The following VSNL1 variants were observed in gnomAD, a reference collection of about 807,000 sequenced individuals.
VSNL1 encodes the protein visinin-like protein 1.
VSNL1 carries 6 observed loss-of-function variants against 20.4 expected under a neutral mutation model. The ratio of observed to expected loss-of-function variants is 0.29; its 90% CI spans 0.16 to 0.58. The LOEUF is 0.58. Among genes scored for constraint, VSNL1 ranks in the 20% least tolerant of loss-of-function variants. The pLI, the probability that VSNL1 is intolerant of heterozygous loss-of-function variation, is 0.90. For missense variants in VSNL1, 100 were observed against 234.5 expected (o/e 0.43, Z 3.75); for synonymous variants, 93 against 86.4 (o/e 1.08, Z -0.42).
chr2:17,644,011 G>C (rs1665939792), intron 2 of VSNL1, among the ~76,000 whole-genome samples: 1 of 152,196 alleles, frequency 6.6e-6, no homozygotes, highest in African/African-American at 2.4e-5. Flanking sequence ...ACAATTAGAT[G>C]CTATTGTCGG....
At chr2:17,571,767 A>G (rs1664090393) in intron 1 of VSNL1, among the ~76,000 whole-genome samples, 1 of 152,224 alleles carries the variant, frequency 6.6e-6, no homozygotes, top group Admixed American at 6.5e-5. Context: ...AAGAGCTACA[A>G]AGAATATAAA....
At chr2:17,565,019 A>T (rs1453782574) in intron 1 of VSNL1, among the ~76,000 whole-genome samples, 1 of 152,202 alleles carries the variant, frequency 6.6e-6, no homozygotes, top group Non-Finnish European at 1.5e-5. Context: ...ACATGCTTTA[A>T]ATTAGCAAAA....
At chr2:17,600,663 A>G (rs1055381320) in intron 2 of VSNL1, among the ~76,000 whole-genome samples, 2 of 152,238 alleles carry the variant, frequency 1.3e-5, no homozygotes, top group African/African-American at 4.8e-5. Context: ...GCAGAGCTGT[A>G]TATAGAAGGG....
At chr2:17,600,894 A>G (rs1224019621) in intron 2 of VSNL1, among the ~76,000 whole-genome samples, 1 of 152,204 alleles carries the variant, frequency 6.6e-6, no homozygotes, top group Non-Finnish European at 1.5e-5. Flanking sequence ...ACAAGGTCCC[A>G]TGTGAGGCTC....
intron 1 of VSNL1, among the ~76,000 whole-genome samples, chr2:17,575,608 T>C (rs1373818249): frequency 6.6e-6 from 1 of 152,152 alleles, no homozygotes; most frequent in Non-Finnish European, 1.5e-5. Context: ...TGATTTCTGC[T>C]CACTGCAACC....
intron 2 of VSNL1, among the ~76,000 whole-genome samples, chr2:17,644,691 A>C (rs1416217989): frequency 6.6e-6 from 1 of 152,150 alleles, no homozygotes; most frequent in African/African-American, 2.4e-5. Flanking sequence ...ACCCTTGCTG[A>C]AAGAATCAGC....
intron 1 of VSNL1, among the ~76,000 whole-genome samples, chr2:17,553,237 C>T (rs1663588736): frequency 6.6e-6 from 1 of 152,168 alleles, no homozygotes; most frequent in African/African-American, 2.4e-5. Flanking sequence ...CACAGTTGTG[C>T]CAAAGTAGCT....
At chr2:17,616,777 T>A (rs1014683412) in intron 2 of VSNL1, among the ~76,000 whole-genome samples, 9 of 152,216 alleles carry the variant, frequency 5.9e-5, no homozygotes, top group South Asian at 2.1e-4. Flanking sequence ...AGTGGCAGAA[T>A]TTCAGAGCTA....
intron 1 of VSNL1, among the ~76,000 whole-genome samples, chr2:17,575,457 A>G (rs1044628040): frequency 6.6e-6 from 1 of 152,220 alleles, no homozygotes; most frequent in East Asian, 1.9e-4. Flanking sequence ...ACTCTAGACT[A>G]CTTACTCTCT....
intron 2 of VSNL1, among the ~76,000 whole-genome samples, chr2:17,602,782 A>G (rs934369772): frequency 4.0e-5 from 6 of 151,730 alleles, no homozygotes; most frequent in Admixed American, 2.6e-4. Context: ...AAAATAAAAT[A>G]AAATAAAATA....
intron 2 of VSNL1, among the ~76,000 whole-genome samples, chr2:17,596,485 G>A: frequency 6.6e-6 from 1 of 152,142 alleles, no homozygotes; most frequent in East Asian, 1.9e-4. Flanking sequence ...TCAACCCAGG[G>A]GAAGAGCAAG....
intron 1 of VSNL1, among the ~76,000 whole-genome samples, chr2:17,585,808 C>CTTTTTTTT (rs55893675): frequency 2.8e-5 from 4 of 143,256 alleles, no homozygotes; most frequent in South Asian, 2.2e-4. Context: ...TTCTTTTTTT[C>CTTTTTTTT]TTTTTTTTTT....
At chr2:17,618,630 G>C (rs552840813) in intron 2 of VSNL1, among the ~76,000 whole-genome samples, 1 of 152,244 alleles carries the variant, frequency 6.6e-6, no homozygotes. Context: ...CTCTGCCCAG[G>C]TTCTGTGAAT....
chr2:17,621,080 C>T (rs1372314123), intron 2 of VSNL1, among the ~76,000 whole-genome samples: 1 of 152,100 alleles, frequency 6.6e-6, no homozygotes, highest in African/African-American at 2.4e-5. Context: ...TTTTTATATA[C>T]AAGAATGAAC....
At chr2:17,589,543 T>G (rs1664552088) in intron 1 of VSNL1, among the ~76,000 whole-genome samples, 1 of 152,218 alleles carries the variant, frequency 6.6e-6, no homozygotes, top group South Asian at 2.1e-4. Context: ...GGCCAGAACC[T>G]GACTTTCTGT....
rs767605184 is a variant in VSNL1 at position 17,649,677 on chromosome 2, G to T, written c.378+52G>T. The T allele has an allele frequency of 6.4e-7, 1 of 1,571,884 alleles. No individual in the cohort carries two copies. The highest frequency in any genetic ancestry group is 1.1e-5 in the South Asian group (1 of 89,200). On this transcript the variant is annotated intron_variant, in intron 3 of 3. Coordinates refer to ENST00000295156, the MANE Select transcript of VSNL1 (RefSeq NM_003385.5). The surrounding 1 kb of genome is among the most constrained non-coding windows in gnomAD (Gnocchi z 6.4). ...TGGTGGGCACAGAAGGAGACCCCAC[G>T]GCAGCCTCCTAGGTGCAGGCCTTAG...
At chr2:17,627,706 T>C (rs1665543892) in intron 2 of VSNL1, among the ~76,000 whole-genome samples, 2 of 152,176 alleles carry the variant, frequency 1.3e-5, no homozygotes, top group South Asian at 2.1e-4. Flanking sequence ...TGAAAAGACA[T>C]CTCAAAAAGC....
intron 1 of VSNL1, among the ~76,000 whole-genome samples, chr2:17,548,234 C>G (rs1179145873): frequency 2.0e-5 from 3 of 151,746 alleles, no homozygotes; most frequent in Non-Finnish European, 4.4e-5. Context: ...ACATCAAATC[C>G]AAAGTGACCT....
rs573928807 is a variant in VSNL1 at position 17,634,210 on chromosome 2, C to G, written c.163-15200C>G. Reference sequence around the variant, plus strand: ...ACTCATTGTAACAGCAGTGTGCAGGCGAGAATCAGGGCTGGCAGGTGCCCA... The same window carrying G: ...ACTCATTGTAACAGCAGTGTGCAGGGGAGAATCAGGGCTGGCAGGTGCCCA... On this transcript the variant is annotated intron_variant, in intron 2 of 3. Transcript: ENST00000295156. The surrounding 1 kb of genome is among the most constrained non-coding windows in gnomAD (Gnocchi z 4.3). Among the ~76,000 whole-genome samples, 1 of 152,116 alleles carries G rather than the reference C, an allele frequency of 6.6e-6. No homozygotes were observed. Among genetic ancestry groups the G allele is most frequent in the African/African-American group, 2.4e-5 (1 of 41,412 alleles).
Sources: gnomAD v4.1 joint callset for allele counts (sites outside exome capture counted in the v4.1 genomes callset) on GRCh38, gnomAD v4.1.1 for gene constraint, Gnocchi (gnomAD v3.1) non-coding constraint, MANE v1.5 for transcripts, NCBI Gene and HGNC (gene_info 2026-07-23, HGNC 2026-07-21) for gene names.